C12orf56: variants seen among roughly 807,000 people sequenced by gnomAD.
C12orf56 encodes uncharacterized protein C12orf56.
Under a neutral mutation model 69.9 loss-of-function variants are expected in C12orf56, and 71 were observed. The ratio of observed to expected loss-of-function variants is 1.02; its 90% CI spans 0.84 to 1.24. The LOEUF (loss-of-function observed/expected upper bound fraction) is 1.24. Among genes scored for constraint, C12orf56 ranks in the 50% most tolerant of loss-of-function variants. The pLI is 0.00. For synonymous variants in C12orf56, 276 were observed against 274.1 expected (o/e 1.01, Z -0.07); for missense variants, 732 against 738.5 (o/e 0.99, Z 0.10).
At chr12:64,298,541 T>C (rs1339870892) in intron 6 of C12orf56, among the ~76,000 whole-genome samples, 1 of 152,218 alleles carries the variant, frequency 6.6e-6, no homozygotes, top group Non-Finnish European at 1.5e-5. Flanking sequence ...TTAATCCACC[T>C]TGAGTTAATT....
At chr12:64,320,559 T>C (rs1476229907) in intron 3 of C12orf56, among the ~76,000 whole-genome samples, 2 of 152,208 alleles carry the variant, frequency 1.3e-5, no homozygotes, top group Admixed American at 1.3e-4. Context: ...ATCAATGCTG[T>C]GTCCTTTACT....
At chr12:64,382,800 G>A (rs984343231) in intron 1 of C12orf56, among the ~76,000 whole-genome samples, 8 of 150,986 alleles carry the variant, frequency 5.3e-5, no homozygotes, top group African/African-American at 1.7e-4. Context: ...GTGAACCCGG[G>A]AGGCGGAGTG....
At chr12:64,325,934 A>T (rs887822446) in intron 3 of C12orf56, among the ~76,000 whole-genome samples, 1 of 152,190 alleles carries the variant, frequency 6.6e-6, no homozygotes, top group Admixed American at 6.5e-5. Context: ...TCCAGGAAGG[A>T]TCTAACACCA....
At chr12:64,352,117 T>TTTTTGTTTTTG (rs1491260749) in intron 2 of C12orf56, among the ~76,000 whole-genome samples, 4 of 6,806 alleles carry the variant, frequency 5.9e-4, no homozygotes, top group Non-Finnish European at 2.6e-3. Context: ...TTTTTTTTTG[T>TTTTTGTTTTTG]TTTTTTTTTT....
At chr12:64,369,478 G>A (rs1012314920) in intron 1 of C12orf56, among the ~76,000 whole-genome samples, 3 of 152,122 alleles carry the variant, frequency 2.0e-5, no homozygotes, top group Non-Finnish European at 4.4e-5. Flanking sequence ...GATTACAGGC[G>A]AGAGCCACTG....
intron 8 of C12orf56, among the ~76,000 whole-genome samples, chr12:64,279,285 G>T (rs898498011): frequency 6.6e-6 from 1 of 152,066 alleles, no homozygotes; most frequent in East Asian, 1.9e-4. Flanking sequence ...CCAATGTGGG[G>T]TACCGTCCAT....
At chr12:64,268,753 G>C (rs896114186) in intron 12 of C12orf56, among the ~76,000 whole-genome samples, 1 of 152,058 alleles carries the variant, frequency 6.6e-6, no homozygotes, top group African/African-American at 2.4e-5. Flanking sequence ...AGGTGCAAGA[G>C]GGAAGAGATG....
intron 6 of C12orf56, among the ~76,000 whole-genome samples, chr12:64,301,545 C>A (rs977571388): frequency 1.3e-5 from 2 of 152,100 alleles, no homozygotes; most frequent in African/African-American, 4.8e-5. Flanking sequence ...TTTTCAGGAC[C>A]TTCCTTAGGT....
intron 1 of C12orf56, among the ~76,000 whole-genome samples, chr12:64,376,823 G>A (rs1279272222): frequency 6.6e-6 from 1 of 152,066 alleles, no homozygotes; most frequent in East Asian, 1.9e-4. Flanking sequence ...AGTATTCCAT[G>A]GTGTATATGT....
At chr12:64,338,178 CA>C in intron 2 of C12orf56, 6 of 579,098 alleles carry the variant, frequency 1.0e-5, no homozygotes, top group South Asian at 1.4e-5. Flanking sequence ...AGGCTTAGTC[CA>C]AAAACTTCCT....
chr12:64,380,636 C>A (rs796704207), intron 1 of C12orf56, among the ~76,000 whole-genome samples: 5 of 152,240 alleles, frequency 3.3e-5, no homozygotes, highest in African/African-American at 1.2e-4. Context: ...GGGAATGGTA[C>A]TTTTAGTTTG....
chr12:64,317,271 C>T (rs1293069608), intron 4 of C12orf56, among the ~76,000 whole-genome samples: 1 of 152,024 alleles, frequency 6.6e-6, no homozygotes, highest in Non-Finnish European at 1.5e-5. Flanking sequence ...TTTCTTCTAT[C>T]TGAAATAGCC....
intron 2 of C12orf56, among the ~76,000 whole-genome samples, chr12:64,345,379 G>T (rs2039126951): frequency 6.6e-6 from 1 of 152,272 alleles, no homozygotes. Context: ...GGGATGGGAT[G>T]TTGCCATTAC....
Position 64,384,168 on chromosome 12 carries a change from T to C in C12orf56, c.252+6146A>G, listed in dbSNP as rs193246165. On this transcript the variant is annotated intron_variant, in intron 1 of 12. Coordinates refer to ENST00000543942, the MANE Select transcript of C12orf56 (RefSeq NM_001170633.2). ...CAGAGAGAAGCTAAGCAGTTTTTTT[T>C]AAGGTTGTGGCAGGACTCGGATTTG... Among the ~76,000 whole-genome samples the C allele has an allele frequency of 9.2e-5, 14 of 152,304 alleles. No homozygotes were observed. In the East Asian group the frequency reaches 2.7e-3, roughly 29 times the overall value.
At chr12:64,356,736 A>AG (rs773482528) in intron 1 of C12orf56, among the ~76,000 whole-genome samples, 11 of 152,190 alleles carry the variant, frequency 7.2e-5, no homozygotes, top group Non-Finnish European at 1.5e-4. Context: ...CTGAAACTAG[A>AG]GGCAAGGGGG....
In C12orf56 at chr12:64,303,755, G is replaced by T; in HGVS notation, c.993C>A (p.Phe331Leu). 1.3e-6 allele frequency: 2 copies of T among 1,587,734 alleles called. No individual in the cohort carries two copies. The highest frequency in any genetic ancestry group is 1.7e-6 in the Non-Finnish European group (2 of 1,169,432). The change falls in exon 6 of 13, where the codon TTC (phenylalanine) becomes TTA (leucine). Residue 331 changes from phenylalanine (F) to leucine (L), a missense_variant. Transcript: ENST00000543942. ...PYRSEEKIKH[F>L]SQLKSELFLK... ...GAAAAAGTTCAGATTTAAGTTGACT[G>T]AAGTGCTTAATTTTCTCCTCAGACC...
chr12:64,327,863 T>C (rs559572957), intron 3 of C12orf56, among the ~76,000 whole-genome samples: 110 of 152,332 alleles, frequency 7.2e-4, no homozygotes, highest in African/African-American at 2.5e-3. Flanking sequence ...CTCCTTAACC[T>C]TGAACTTACT....
chr12:64,315,010 G>A (rs1239524983), intron 4 of C12orf56, among the ~76,000 whole-genome samples: 2 of 115,400 alleles, frequency 1.7e-5, no homozygotes, highest in Admixed American at 2.1e-4. Flanking sequence ...GGAGTGCAGT[G>A]GCACGATCTT....
chr12:64,281,521 G>A (rs529197870), intron 8 of C12orf56, among the ~76,000 whole-genome samples: 4 of 150,700 alleles, frequency 2.7e-5, no homozygotes, highest in Non-Finnish European at 5.9e-5. Flanking sequence ...GCAGTGAGCC[G>A]AGATCATGCC....
Sources: gnomAD v4.1 joint callset for allele counts (sites outside exome capture counted in the v4.1 genomes callset) on GRCh38, gnomAD v4.1.1 for gene constraint, MANE v1.5 for transcripts, NCBI Gene and HGNC (gene_info 2026-07-23, HGNC 2026-07-21) for gene names.